Variants in RBMS3 observed in about 807,000 individuals in gnomAD.
The protein encoded by RBMS3 is RNA-binding motif, single-stranded-interacting protein 3.
RBMS3 carries 27 observed loss-of-function variants against 66.8 expected under a neutral mutation model. That is an observed-to-expected ratio of 0.40 (90% CI 0.30 to 0.56). The LOEUF is 0.56. Ranked by LOEUF, RBMS3 falls within the 20% of genes least tolerant of loss-of-function variation. The probability of loss-of-function intolerance (pLI) is 0.40; values close to 1 mark genes in which losing one functional copy is unlikely to be tolerated. For missense variants in RBMS3, 513 were observed against 549.5 expected, an observed-to-expected ratio of 0.93 and a Z score of 0.66; for synonymous variants, 188 against 183.0, an observed-to-expected ratio of 1.03 and a Z score of -0.22.
chr3:29,683,378 A>G (rs115459345), intron 4 of RBMS3, among the ~76,000 whole-genome samples: 4,155 of 152,344 alleles, frequency 0.027, 80 homozygotes, highest in Admixed American at 0.064. Context: ...TTTATTTCAC[A>G]TAGCAGGTCT....
intron 6 of RBMS3, among the ~76,000 whole-genome samples, chr3:29,864,527 T>C (rs938986043): frequency 2.6e-5 from 4 of 152,116 alleles, no homozygotes; most frequent in Non-Finnish European, 5.9e-5. Flanking sequence ...AAGTTCTGTA[T>C]GTTGACGAAG....
chr3:29,671,379 A>G (rs1242144264), intron 4 of RBMS3, among the ~76,000 whole-genome samples: 1 of 152,246 alleles, frequency 6.6e-6, no homozygotes, highest in African/African-American at 2.4e-5. Context: ...CTTCTCCTCC[A>G]AACGAACACA....
At chr3:29,644,114 G>C (rs2049829564) in intron 4 of RBMS3, among the ~76,000 whole-genome samples, 1 of 152,136 alleles carries the variant, frequency 6.6e-6, no homozygotes, top group African/African-American at 2.4e-5. Flanking sequence ...ATCTAATAGA[G>C]GGGAATTCTA....
intron 1 of RBMS3, among the ~76,000 whole-genome samples, chr3:29,365,484 T>C (rs2037848037): frequency 6.6e-6 from 1 of 152,134 alleles, no homozygotes; most frequent in African/African-American, 2.4e-5. Context: ...CTTACAATGG[T>C]GATTGACATC....
intron 2 of RBMS3, among the ~76,000 whole-genome samples, chr3:29,448,979 C>T (rs1308177407): frequency 1.3e-5 from 2 of 152,118 alleles, no homozygotes; most frequent in Non-Finnish European, 2.9e-5. Context: ...GTAATAAACA[C>T]TTAAGTTGTT....
intron 6 of RBMS3, among the ~76,000 whole-genome samples, chr3:29,765,406 G>A (rs2055879878): frequency 6.6e-6 from 1 of 151,774 alleles, no homozygotes; most frequent in Non-Finnish European, 1.5e-5. Flanking sequence ...TTTTTAAGTG[G>A]CCAATTTCCG....
chr3:29,964,536 T>G lies in RBMS3; in HGVS notation c.1098+20282T>G, dbSNP rs550882373. On this transcript the variant is annotated intron_variant, in intron 12 of 14. Coordinates refer to ENST00000383767, the MANE Select transcript of RBMS3 (RefSeq NM_001003793.3). ...TTCTCCCGGGCTTTTCTAAAAACTT[T>G]CTTTTTCTGAACTTTATACCTCTGG... Among the ~76,000 whole-genome samples the G allele has an allele frequency of 9.2e-5, 14 of 152,292 alleles. No individual in the cohort carries two copies. The East Asian group carries it at 1.5e-3, about 17-fold the overall frequency.
intron 10 of RBMS3, among the ~76,000 whole-genome samples, chr3:29,922,371 C>CA (rs1244520021): frequency 5.9e-5 from 9 of 151,358 alleles, no homozygotes; most frequent in Admixed American, 5.3e-4. Flanking sequence ...CCTGTAGTCC[C>CA]AGCTACTCGG....
intron 6 of RBMS3, among the ~76,000 whole-genome samples, chr3:29,840,608 T>C (rs1376113528): frequency 1.3e-5 from 2 of 152,054 alleles, no homozygotes; most frequent in Non-Finnish European, 2.9e-5. Flanking sequence ...AAATTTTGAC[T>C]TTGTGAACCA....
intron 3 of RBMS3, among the ~76,000 whole-genome samples, chr3:29,534,358 T>C (rs2045473052): frequency 6.6e-6 from 1 of 152,242 alleles, no homozygotes. Flanking sequence ...AATTGGTAAC[T>C]GAAGTGGCTT....
At chr3:29,988,743 T>TCAAA (rs1013102532) in intron 13 of RBMS3, among the ~76,000 whole-genome samples, 15 of 151,948 alleles carry the variant, frequency 9.9e-5, no homozygotes, top group African/African-American at 3.6e-4. Context: ...GGTCAAACAG[T>TCAAA]CAAACAGTGA....
At chr3:29,384,453 G>T (rs542604605) in intron 1 of RBMS3, among the ~76,000 whole-genome samples, 89 of 151,124 alleles carry the variant, frequency 5.9e-4, no homozygotes, top group African/African-American at 2.0e-3. Flanking sequence ...AGAAGAAGAA[G>T]AAGAAGAAGA....
intron 10 of RBMS3, among the ~76,000 whole-genome samples, chr3:29,929,951 G>T (rs1033768355): frequency 1.3e-5 from 2 of 151,568 alleles, no homozygotes; most frequent in Non-Finnish European, 2.9e-5. Flanking sequence ...TAAAGCCATT[G>T]GAAGTCATGT....
chr3:29,840,450 T>C (rs1047379320), intron 6 of RBMS3, among the ~76,000 whole-genome samples: 1 of 152,052 alleles, frequency 6.6e-6, no homozygotes, highest in African/African-American at 2.4e-5. Context: ...TTTGACATAA[T>C]AAAACACGGC....
intron 12 of RBMS3, among the ~76,000 whole-genome samples, chr3:29,946,621 A>G (rs35694357): frequency 0.63 from 94,915 of 151,412 alleles, 32,907 homozygotes; most frequent in Non-Finnish European, 0.8. Context: ...ATAGAGAATC[A>G]AGAATCTAGA....
chr3:29,446,522 A>G (rs1176623246), intron 2 of RBMS3, among the ~76,000 whole-genome samples: 3 of 152,252 alleles, frequency 2.0e-5, no homozygotes, highest in Non-Finnish European at 4.4e-5. Context: ...ATATTTTACA[A>G]TATGAATATT....
At chr3:29,591,569 C>T (rs1369287443) in intron 4 of RBMS3, among the ~76,000 whole-genome samples, 3 of 152,158 alleles carry the variant, frequency 2.0e-5, no homozygotes, top group Non-Finnish European at 4.4e-5. Flanking sequence ...CCAGAGGGAT[C>T]TTACTTGCCC....
intron 3 of RBMS3, among the ~76,000 whole-genome samples, chr3:29,510,841 C>T (rs542476535): frequency 6.6e-6 from 1 of 152,240 alleles, no homozygotes; most frequent in South Asian, 2.1e-4. Flanking sequence ...AGATGCTATG[C>T]ATTTCTCTTG....
At chr3:29,578,834 G>C (rs1175313473) in intron 3 of RBMS3, among the ~76,000 whole-genome samples, 1 of 106,920 alleles carries the variant, frequency 9.4e-6, no homozygotes. Flanking sequence ...TCGCTCTGTC[G>C]CCCAGGTCGG....
Sources: allele counts gnomAD v4.1 joint callset (sites outside exome capture counted in the v4.1 genomes callset), GRCh38; gene constraint gnomAD v4.1.1; transcripts MANE v1.5; gene names NCBI Gene and HGNC (gene_info 2026-07-23, HGNC 2026-07-21).